AMPH: variants seen among roughly 807,000 people sequenced by gnomAD.
The protein encoded by AMPH is amphiphysin.
A neutral mutation model predicts 99.1 loss-of-function variants in AMPH; 49 were observed. That is an observed-to-expected ratio of 0.49 (90% CI 0.39 to 0.63). The LOEUF (loss-of-function observed/expected upper bound fraction) is 0.63. Among genes scored for constraint, AMPH ranks in the 20% least tolerant of loss-of-function variants. The probability of loss-of-function intolerance (pLI) is 0.00; values close to 1 mark genes in which losing one functional copy is unlikely to be tolerated. For synonymous variants in AMPH, 314 were observed against 317.3 expected (o/e 0.99, Z 0.11); for missense variants, 759 against 863.4 (o/e 0.88, Z 1.52).
chr7:38,585,074 T>C (rs1455128334), intron 1 of AMPH, among the ~76,000 whole-genome samples: 1 of 152,194 alleles, frequency 6.6e-6, no homozygotes, highest in Non-Finnish European at 1.5e-5. Flanking sequence ...GACTTCTCAG[T>C]CCATGATTCA....
intron 2 of AMPH, among the ~76,000 whole-genome samples, chr7:38,509,015 T>C (rs1035668331): frequency 6.6e-6 from 1 of 152,196 alleles, no homozygotes; most frequent in Non-Finnish European, 1.5e-5. Context: ...GAGCTCTCCC[T>C]ATGAAAAGTT....
At chr7:38,518,523 G>A (rs543452878) in intron 2 of AMPH, among the ~76,000 whole-genome samples, 383 of 152,304 alleles carry the variant, frequency 2.5e-3, no homozygotes, top group African/African-American at 8.9e-3. Flanking sequence ...CAGCTTTAAC[G>A]TTTAATGTTT....
At chr7:38,474,378 G>A (rs1788007844) in intron 7 of AMPH, among the ~76,000 whole-genome samples, 1 of 152,182 alleles carries the variant, frequency 6.6e-6, no homozygotes, top group Non-Finnish European at 1.5e-5. Context: ...GCTGGACACT[G>A]AGGTAAAAAC....
intron 1 of AMPH, among the ~76,000 whole-genome samples, chr7:38,621,639 A>G (rs1230359894): frequency 1.3e-5 from 2 of 152,150 alleles, no homozygotes; most frequent in African/African-American, 4.8e-5. Context: ...TAATTTGTTA[A>G]ATTATTATAT....
chr7:38,591,224 A>G (rs1351846070), intron 1 of AMPH, among the ~76,000 whole-genome samples: 1 of 152,048 alleles, frequency 6.6e-6, no homozygotes, highest in East Asian at 1.9e-4. Context: ...TTTCTCAACC[A>G]AGAGAGAATA....
chr7:38,469,153 CAAAAAAAAAAAAAA>C (rs869172352), intron 7 of AMPH, among the ~76,000 whole-genome samples: 2 of 28,880 alleles, frequency 6.9e-5, no homozygotes, highest in Middle Eastern at 0.038. Flanking sequence ...GACTCCGCCT[CAAAAAAAAAAAAAA>C]AAAAAAAAAA....
intron 11 of AMPH, among the ~76,000 whole-genome samples, chr7:38,453,603 G>A (rs1377544401): frequency 1.3e-5 from 2 of 152,152 alleles, no homozygotes; most frequent in Admixed American, 6.5e-5. Flanking sequence ...CCTTACCTAT[G>A]AGCCAGCAAA....
chr7:38,530,466 G>C (rs1396255839), intron 2 of AMPH, among the ~76,000 whole-genome samples: 1 of 152,202 alleles, frequency 6.6e-6, no homozygotes, highest in Non-Finnish European at 1.5e-5. Flanking sequence ...GGAGATGCTA[G>C]AAGGAGAACC....
intron 1 of AMPH, among the ~76,000 whole-genome samples, chr7:38,613,494 C>CT (rs1385155041): frequency 6.6e-6 from 1 of 152,146 alleles, no homozygotes; most frequent in African/African-American, 2.4e-5. Context: ...AGAGATCAAT[C>CT]TTTTTAACAG....
In AMPH at chr7:38,402,776, G is replaced by A. The variant is rs562779179; in HGVS notation, c.1399-8562C>T. Among the ~76,000 whole-genome samples, 25 of 152,282 alleles carry A rather than the reference G, an allele frequency of 1.6e-4. No individual in the cohort carries two copies. In the South Asian group the frequency reaches 1.9e-3, roughly 11 times the overall value. ...CCCTTGCCTGGCTCAGGTATTATGC[G>A]TCAAGGATCCATTTATACTTTGTTT... On this transcript the variant is annotated intron_variant, in intron 17 of 20. Transcript: ENST00000356264.
At chr7:38,626,823 TTTACAAGAAAAAAACAACCCCATCAA>T (rs1794260714) in intron 1 of AMPH, among the ~76,000 whole-genome samples, 1 of 152,094 alleles carries the variant, frequency 6.6e-6, no homozygotes, top group African/African-American at 2.4e-5. Context: ...CTTAAGCAAA[TTTACAAGAAAAAAACAACCCCATCAA>T]AAAGTAGGCG....
At chr7:38,431,468 T>C (rs111441257) in intron 13 of AMPH, among the ~76,000 whole-genome samples, 3,247 of 152,052 alleles carry the variant, frequency 0.021, 90 homozygotes, top group African/African-American at 0.074. Context: ...CCATCCTGGC[T>C]AACACGGTGA....
chr7:38,427,930 G>T (rs1412713189), intron 14 of AMPH: 1 of 456,538 alleles, frequency 2.2e-6, no homozygotes, highest in Non-Finnish European at 4.4e-6. Flanking sequence ...TTGATGTCCT[G>T]GTCTCGGGAA....
intron 17 of AMPH, among the ~76,000 whole-genome samples, chr7:38,411,821 G>A (rs1785225284): frequency 6.6e-6 from 1 of 152,144 alleles, no homozygotes; most frequent in Non-Finnish European, 1.5e-5. Flanking sequence ...TGATGACCAG[G>A]AATGGTTTCA....
intron 17 of AMPH, among the ~76,000 whole-genome samples, chr7:38,396,763 G>A (rs1465159843): frequency 6.6e-6 from 1 of 152,216 alleles, no homozygotes; most frequent in Non-Finnish European, 1.5e-5. Flanking sequence ...CAAGAGAATA[G>A]TAATCAGAAC....
chr7:38,480,738 A>G (rs1414555614), intron 5 of AMPH, among the ~76,000 whole-genome samples: 4 of 152,182 alleles, frequency 2.6e-5, no homozygotes, highest in Admixed American at 2.0e-4. Context: ...CCATGTGCCT[A>G]TAAGGTGACA....
intron 11 of AMPH, among the ~76,000 whole-genome samples, chr7:38,448,449 C>T (rs1208612065): frequency 2.0e-5 from 3 of 152,174 alleles, no homozygotes; most frequent in East Asian, 3.8e-4. Flanking sequence ...TTTTCCTATA[C>T]ATACATACCT....
At chr7:38,524,118 C>T (rs1790074081) in intron 2 of AMPH, among the ~76,000 whole-genome samples, 1 of 152,140 alleles carries the variant, frequency 6.6e-6, no homozygotes, top group Non-Finnish European at 1.5e-5. Context: ...CTGGGCATCA[C>T]TTTCTTCTGT....
intron 5 of AMPH, among the ~76,000 whole-genome samples, chr7:38,478,716 CAACA>C (rs1788176613): frequency 1.3e-5 from 2 of 151,830 alleles, no homozygotes; most frequent in African/African-American, 4.8e-5. Flanking sequence ...TTGAAAAAGT[CAACA>C]ACAAAGATAA....
Sources: allele counts gnomAD v4.1 joint callset (sites outside exome capture counted in the v4.1 genomes callset), GRCh38; gene constraint gnomAD v4.1.1; transcripts MANE v1.5; gene names NCBI Gene and HGNC (gene_info 2026-07-23, HGNC 2026-07-21).